The following TAFA1 variants were observed in gnomAD, a reference collection of about 807,000 sequenced individuals.
TAFA1 encodes the protein chemokine-like protein TAFA-1.
TAFA1 carries 4 observed loss-of-function variants against 18.5 expected under a neutral mutation model. The ratio of observed to expected loss-of-function variants is 0.22; its 90% CI spans 0.11 to 0.49. TAFA1 has a LOEUF of 0.49. Ranked by LOEUF, TAFA1 falls within the 20% of genes least tolerant of loss-of-function variation. TAFA1 has a pLI of 0.98. For synonymous variants in TAFA1, 56 were observed against 55.2 expected, an observed-to-expected ratio of 1.01 and a Z score of -0.06; for missense variants, 147 against 169.0, an observed-to-expected ratio of 0.87 and a Z score of 0.72.
intron 2 of TAFA1, among the ~76,000 whole-genome samples, chr3:68,108,970 A>C (rs372791759): frequency 1.3e-5 from 2 of 150,300 alleles, no homozygotes; most frequent in African/African-American, 4.9e-5. Context: ...ATTTTTTTTC[A>C]ATTGCTAATT....
intron 2 of TAFA1, among the ~76,000 whole-genome samples, chr3:68,297,499 G>T (rs2068230028): frequency 1.3e-5 from 2 of 152,124 alleles, no homozygotes; most frequent in Non-Finnish European, 2.9e-5. Flanking sequence ...ACAGATCTAG[G>T]GTGGGACATA....
intron 2 of TAFA1, among the ~76,000 whole-genome samples, chr3:68,241,904 A>T (rs1280868649): frequency 3.3e-5 from 5 of 152,330 alleles, no homozygotes; most frequent in Admixed American, 3.3e-4. Context: ...AAAATCTGTA[A>T]TTGGAAAATC....
At chr3:68,345,945 C>T (rs1353223873) in intron 2 of TAFA1, among the ~76,000 whole-genome samples, 1 of 152,080 alleles carries the variant, frequency 6.6e-6, no homozygotes, top group Non-Finnish European at 1.5e-5. Flanking sequence ...ACTTACAGGC[C>T]TGACTCTACC....
chr3:68,430,793 A>G (rs1374576580), intron 3 of TAFA1, among the ~76,000 whole-genome samples: 1 of 151,972 alleles, frequency 6.6e-6, no homozygotes, highest in Non-Finnish European at 1.5e-5. Context: ...ACACTGCTAC[A>G]AAGAGTCTTC....
intron 3 of TAFA1, among the ~76,000 whole-genome samples, chr3:68,503,922 A>G (rs2072704727): frequency 6.6e-6 from 1 of 152,150 alleles, no homozygotes; most frequent in Non-Finnish European, 1.5e-5. Flanking sequence ...TACCTTGATC[A>G]TCATCATTAT....
At chr3:68,417,775 C>G (rs528146058) in intron 3 of TAFA1, among the ~76,000 whole-genome samples, 16 of 152,062 alleles carry the variant, frequency 1.1e-4, no homozygotes, top group Non-Finnish European at 1.6e-4. Flanking sequence ...TAATTGGCTC[C>G]TGGATGCACA....
At chr3:68,380,937 A>G (rs200464815) in intron 2 of TAFA1, among the ~76,000 whole-genome samples, 9 of 149,936 alleles carry the variant, frequency 6.0e-5, no homozygotes, top group African/African-American at 2.0e-4. Flanking sequence ...ATCTTGAATT[A>G]ATTTTTGTAT....
chr3:68,426,397 T>G (rs1192495833), intron 3 of TAFA1, among the ~76,000 whole-genome samples: 1 of 151,882 alleles, frequency 6.6e-6, no homozygotes, highest in African/African-American at 2.4e-5. Flanking sequence ...CATATAAAAC[T>G]TTATAAATAA....
intron 2 of TAFA1, among the ~76,000 whole-genome samples, chr3:68,379,157 A>G (rs2069878460): frequency 1.1e-4 from 16 of 152,118 alleles, no homozygotes; most frequent in Admixed American, 1.0e-3. Context: ...TTTCTTCACA[A>G]CCATGCTAGC....
rs2073427862 is a variant in TAFA1, at chr3:68,544,644, C to T, written c.*141C>T. On this transcript the variant is annotated 3_prime_UTR_variant, in exon 5 of 5. Coordinates refer to ENST00000478136, the MANE Select transcript of TAFA1 (RefSeq NM_213609.4). ...CTACCAGATAATCACAGTGCGTTTA[C>T]TGTGTGTAACGAAATATCCTACAGT... 3.7e-6 allele frequency: 3 copies of T among 801,946 alleles called. No homozygotes were observed. Among genetic ancestry groups the T allele is most frequent in the Non-Finnish European group, 6.1e-6 (3 of 489,670 alleles). 49.7% of individuals were successfully genotyped at this position (801,946 alleles called of 1,614,324 possible). A position where few individuals can be genotyped will look rare whatever the true frequency, so the allele number is the denominator to read the frequency against.
chr3:68,491,517 ACAT>A (rs998881510), intron 3 of TAFA1, among the ~76,000 whole-genome samples: 1 of 121,972 alleles, frequency 8.2e-6, no homozygotes, highest in Non-Finnish European at 1.6e-5. Flanking sequence ...AGGAAGGGGA[ACAT>A]CACACTCTGG....
At chr3:68,305,001 C>T (rs2068377490) in intron 2 of TAFA1, among the ~76,000 whole-genome samples, 1 of 151,926 alleles carries the variant, frequency 6.6e-6, no homozygotes, top group African/African-American at 2.4e-5. Flanking sequence ...TATTAGTTCC[C>T]TAGGATGGCC....
At chr3:68,278,288 A>G (rs970385557) in intron 2 of TAFA1, among the ~76,000 whole-genome samples, 3 of 152,150 alleles carry the variant, frequency 2.0e-5, no homozygotes, top group African/African-American at 7.2e-5. Context: ...TTATTTCCAA[A>G]CTGTTTATAT....
At chr3:68,169,716 A>T (rs188719326) in intron 2 of TAFA1, among the ~76,000 whole-genome samples, 9 of 152,346 alleles carry the variant, frequency 5.9e-5, no homozygotes, top group Non-Finnish European at 1.3e-4. Context: ...TCTGTGGGTG[A>T]TGTGAATATT....
At chr3:68,427,871 G>A (rs970390378) in intron 3 of TAFA1, among the ~76,000 whole-genome samples, 3 of 151,814 alleles carry the variant, frequency 2.0e-5, no homozygotes, top group African/African-American at 7.3e-5. Context: ...TTTTATAAAG[G>A]GCAATTCCCC....
intron 2 of TAFA1, among the ~76,000 whole-genome samples, chr3:68,220,536 A>T (rs570717444): frequency 3.0e-4 from 45 of 152,162 alleles, no homozygotes; most frequent in African/African-American, 8.2e-4. Context: ...CTACTGATGG[A>T]TGTCCATTCC....
At chr3:68,072,864 G>T (rs1285834459) in intron 2 of TAFA1, among the ~76,000 whole-genome samples, 3 of 152,172 alleles carry the variant, frequency 2.0e-5, no homozygotes, top group Non-Finnish European at 4.4e-5. Context: ...AGAAACAAAA[G>T]CTCTGGGTAA....
At chr3:68,219,807 G>A (rs1295643798) in intron 2 of TAFA1, among the ~76,000 whole-genome samples, 1 of 151,964 alleles carries the variant, frequency 6.6e-6, no homozygotes, top group Non-Finnish European at 1.5e-5. Flanking sequence ...TTTACAGGGT[G>A]TATACACCCA....
At chr3:68,051,048 T>C (rs1017826328) in intron 2 of TAFA1, among the ~76,000 whole-genome samples, 8 of 152,156 alleles carry the variant, frequency 5.3e-5, no homozygotes, top group African/African-American at 1.7e-4. Context: ...CTCAGCTTGA[T>C]GACTTTCTAC....
Sources: allele counts gnomAD v4.1 joint callset (sites outside exome capture counted in the v4.1 genomes callset), GRCh38; gene constraint gnomAD v4.1.1; transcripts MANE v1.5; gene names NCBI Gene and HGNC (gene_info 2026-07-23, HGNC 2026-07-21).